Variants in ZMYND8 observed in about 807,000 individuals in gnomAD.
ZMYND8 encodes MYND-type zinc finger-containing chromatin reader ZMYND8.
Under a neutral mutation model 140.8 loss-of-function variants are expected in ZMYND8, and 37 were observed. That is an observed-to-expected ratio of 0.26 (90% CI 0.20 to 0.35). The LOEUF is 0.35. Among genes scored for constraint, ZMYND8 ranks in the 10% least tolerant of loss-of-function variants. The probability of loss-of-function intolerance (pLI) is 1.00; values close to 1 mark genes in which losing one functional copy is unlikely to be tolerated. For missense variants in ZMYND8, 1,068 were observed against 1,570.0 expected, an observed-to-expected ratio of 0.68 and a Z score of 5.40; for synonymous variants, 592 against 597.1, an observed-to-expected ratio of 0.99 and a Z score of 0.12.
chr20:47,276,466 C>T lies in ZMYND8; in HGVS notation c.1328G>A (p.Arg443Gln), dbSNP rs568551781. 1.9e-5 allele frequency: 30 copies of T among 1,614,016 alleles called. No individual in the cohort carries two copies. Among genetic ancestry groups the T allele is most frequent in the African/African-American group, 9.3e-5 (7 of 75,014 alleles). Residue 443 changes from arginine (R) to glutamine (Q), a missense_variant, in exon 11 of 23, where the codon CGG (arginine) becomes CAG (glutamine). By Grantham distance (43) the Arg-to-Gln change is conservative (BLOSUM62 1). Coordinates refer to ENST00000471951, the MANE Select transcript of ZMYND8 (RefSeq NM_001281775.3). Reference protein sequence around the residue: ...KPVLSGGTGRRISLSDMPRSP... With the variant: ...KPVLSGGTGRQISLSDMPRSP... Reference sequence around the variant, plus strand: ...GCGCGGCATATCCGACAAGGAAATCCGGCGGCCTGTGCCCCCACTCAGCAC... The same window carrying T: ...GCGCGGCATATCCGACAAGGAAATCTGGCGGCCTGTGCCCCCACTCAGCAC...
chr20:47,235,724 C>T (rs1568942730), intron 16 of ZMYND8, among the ~76,000 whole-genome samples: 1 of 150,874 alleles, frequency 6.6e-6, no homozygotes, highest in Non-Finnish European at 1.5e-5. Flanking sequence ...AAAAAAAGCA[C>T]TTGGCAACTT....
chr20:47,332,275 C>G (rs960305019), intron 2 of ZMYND8, among the ~76,000 whole-genome samples: 1 of 152,030 alleles, frequency 6.6e-6, no homozygotes. Flanking sequence ...TGTGCCACTG[C>G]ACTCCAGCCT....
intron 3 of ZMYND8, among the ~76,000 whole-genome samples, chr20:47,300,884 T>TTG (rs200833449): frequency 0.025 from 3,223 of 130,274 alleles, 38 homozygotes; most frequent in East Asian, 0.041. Context: ...ACAACTAATT[T>TTG]TGTGTGTGTG....
chr20:47,304,266 A>G (rs749735435), intron 3 of ZMYND8, among the ~76,000 whole-genome samples: 27 of 152,158 alleles, frequency 1.8e-4, no homozygotes, highest in Non-Finnish European at 3.7e-4. Context: ...GGCCCTGTCT[A>G]TTTGCTTCTG....
intron 7 of ZMYND8, among the ~76,000 whole-genome samples, chr20:47,288,392 C>CTTTT (rs11411701): frequency 2.4e-4 from 30 of 123,290 alleles, no homozygotes; most frequent in African/African-American, 2.8e-4. Context: ...TACACCAATT[C>CTTTT]TTTTTTTTTT....
rs1391396037 is a variant in ZMYND8, at chr20:47,298,512, C to A, written c.453+217G>T. Reference sequence around the variant, plus strand: ...AGGAATCCAAGGACTCATGAGAAATCAGAAATAATATTCCGTGCAATTGTC... The same window carrying A: ...AGGAATCCAAGGACTCATGAGAAATAAGAAATAATATTCCGTGCAATTGTC... On this transcript the variant is annotated intron_variant, in intron 4 of 22. Coordinates refer to ENST00000471951, the MANE Select transcript of ZMYND8 (RefSeq NM_001281775.3). The surrounding 1 kb of genome is among the most constrained non-coding windows in gnomAD (Gnocchi z 5.0). The A allele has an allele frequency of 1.0e-6, 1 of 985,282 alleles. No homozygotes were observed. Among genetic ancestry groups the A allele is most frequent in the East Asian group, 1.1e-4 (1 of 8,826 alleles). The allele number at this position is 985,282 out of a possible 1,614,324, so 61.0% of individuals were successfully genotyped here.
intron 12 of ZMYND8, among the ~76,000 whole-genome samples, chr20:47,254,430 A>G (rs1262531222): frequency 6.6e-6 from 1 of 152,206 alleles, no homozygotes; most frequent in Non-Finnish European, 1.5e-5. Context: ...GTTGTCTTCA[A>G]TAGCAAAAAT....
intron 11 of ZMYND8, among the ~76,000 whole-genome samples, chr20:47,269,961 G>A (rs1238160238): frequency 6.6e-6 from 1 of 152,200 alleles, no homozygotes; most frequent in Non-Finnish European, 1.5e-5. Context: ...ACAAGGCTAT[G>A]GACCAGGCAT....
At position 47,327,462 on chromosome 20, in the gene ZMYND8, T is replaced by A. The variant is rs530610769; in HGVS notation, c.86-17258A>T. 3.6e-4 allele frequency among the ~76,000 whole-genome samples: 54 copies of A among 152,026 alleles called. No individual in the cohort carries two copies. In the South Asian group the frequency reaches 0.011, roughly 32 times the overall value. ...TGAAGTCAGGGGTTTCAGAGCAGCC[T>A]GGCCAACATGATGAAACCCTGCCTC... On this transcript the variant is annotated intron_variant, in intron 2 of 22. Transcript: ENST00000471951.
chr20:47,282,227 G>C lies in ZMYND8; in HGVS notation c.883-10C>G, dbSNP rs751741567. On this transcript the variant is annotated splice_polypyrimidine_tract_variant and intron_variant, in intron 9 of 22. Transcript: ENST00000471951. ...AAGGATGTGGATTGCTCTAGGAAAA[G>C]AAAAACAAGATCCAGAGTTTGTACA... The C allele has an allele frequency of 1.7e-5, 28 of 1,605,962 alleles. 1 individual carries two copies. The highest frequency in any genetic ancestry group is 8.9e-5 in the South Asian group (8 of 89,806).
At chr20:47,277,484 C>T (rs1258049911) in intron 10 of ZMYND8, among the ~76,000 whole-genome samples, 2 of 152,174 alleles carry the variant, frequency 1.3e-5, no homozygotes, top group East Asian at 1.9e-4. Flanking sequence ...ACACCACAAC[C>T]GCTGCTGCGG....
At position 47,303,535 on chromosome 20, in the gene ZMYND8, T is replaced by C. The variant is rs1280943272; in HGVS notation, c.235-4588A>G. Among the ~76,000 whole-genome samples, 4 of 152,218 alleles carry C rather than the reference T, an allele frequency of 2.6e-5. No individual in the cohort carries two copies. In the East Asian group the frequency reaches 7.7e-4, roughly 29 times the overall value. On this transcript the variant is annotated intron_variant, in intron 3 of 22. Coordinates refer to ENST00000471951, the MANE Select transcript of ZMYND8 (RefSeq NM_001281775.3). ...GAGTTCAAGACCAGCCTGGCCAACA[T>C]GGCGAAACCCCGTCTCTACTAAAAC...
intron 2 of ZMYND8, among the ~76,000 whole-genome samples, chr20:47,332,657 C>T (rs970283955): frequency 1.3e-5 from 2 of 152,052 alleles, no homozygotes; most frequent in African/African-American, 2.4e-5. Context: ...CTGCAGTGAG[C>T]GAGGATCATG....
intron 11 of ZMYND8, among the ~76,000 whole-genome samples, chr20:47,263,939 T>C (rs957071419): frequency 6.6e-6 from 1 of 152,206 alleles, no homozygotes; most frequent in African/African-American, 2.4e-5. Flanking sequence ...GATTCTCAGC[T>C]ATGAGCAATT....
intron 11 of ZMYND8, among the ~76,000 whole-genome samples, chr20:47,269,091 T>C (rs2075753507): frequency 2.0e-5 from 3 of 151,498 alleles, no homozygotes. Flanking sequence ...CCCAGCTACT[T>C]GGGGGGCTGA....
At chr20:47,328,909 G>A (rs76426969) in intron 2 of ZMYND8, among the ~76,000 whole-genome samples, 2,499 of 152,298 alleles carry the variant, frequency 0.016, 83 homozygotes, top group South Asian at 0.13. Context: ...GCATAATTAC[G>A]GTAAAGCATG....
chr20:47,279,631 G>A (rs1431594416), intron 10 of ZMYND8, among the ~76,000 whole-genome samples: 2 of 151,982 alleles, frequency 1.3e-5, no homozygotes, highest in Non-Finnish European at 2.9e-5. Flanking sequence ...CTTCTCCCTA[G>A]CTATGTGACC....
chr20:47,271,943 A>G (rs1219194194), intron 11 of ZMYND8, among the ~76,000 whole-genome samples: 2 of 151,960 alleles, frequency 1.3e-5, no homozygotes, highest in Non-Finnish European at 2.9e-5. Context: ...TCGGCCTCCC[A>G]AAGTGCTGGA....
chr20:47,356,346 A>AT, intron 1 of ZMYND8: 2 of 1,447,514 alleles, frequency 1.4e-6, no homozygotes, highest in Non-Finnish European at 1.8e-6. Context: ...AAAAAAAAAA[A>AT]GAAGGAAAAA....
Sources: gnomAD v4.1 joint callset for allele counts (sites outside exome capture counted in the v4.1 genomes callset) on GRCh38, gnomAD v4.1.1 for gene constraint, Gnocchi (gnomAD v3.1) non-coding constraint, MANE v1.5 for transcripts, NCBI Gene and HGNC (gene_info 2026-07-23, HGNC 2026-07-21) for gene names.